GMDS: variants seen among roughly 807,000 people sequenced by gnomAD.
GMDS encodes GDP-mannose 4,6 dehydratase.
A neutral mutation model predicts 49.9 loss-of-function variants in GMDS; 20 were observed. That is an observed-to-expected ratio of 0.40 (90% CI 0.28 to 0.58). The LOEUF (loss-of-function observed/expected upper bound fraction) is 0.58. Among genes scored for constraint, GMDS ranks in the 20% least tolerant of loss-of-function variants. The pLI, the probability that GMDS is intolerant of heterozygous loss-of-function variation, is 0.42. For synonymous variants in GMDS, 177 were observed against 178.6 expected (o/e 0.99, Z 0.07); for missense variants, 362 against 481.4 (o/e 0.75, Z 2.32).
chr6:2,050,185 T>A (rs963900658), intron 4 of GMDS, among the ~76,000 whole-genome samples: 3 of 151,922 alleles, frequency 2.0e-5, no homozygotes, highest in East Asian at 1.9e-4. Flanking sequence ...AAAAAAATGA[T>A]AGAGGGGATA....
At chr6:1,987,909 C>T (rs185220260) in intron 4 of GMDS, among the ~76,000 whole-genome samples, 103 of 151,872 alleles carry the variant, frequency 6.8e-4, no homozygotes, top group East Asian at 5.4e-3. Context: ...TTTTACCTCT[C>T]GAAAAAAAAC....
intron 1 of GMDS, among the ~76,000 whole-genome samples, chr6:2,206,354 A>G (rs1181865231): frequency 6.6e-6 from 1 of 151,936 alleles, no homozygotes; most frequent in East Asian, 1.9e-4. Flanking sequence ...CTGGGTTCTC[A>G]ACCCAAGTGG....
chr6:1,900,520 A>G (rs1050265762), intron 7 of GMDS, among the ~76,000 whole-genome samples: 17 of 152,202 alleles, frequency 1.1e-4, no homozygotes, highest in African/African-American at 3.6e-4. Flanking sequence ...ATAAATCATG[A>G]AGTTTTTAAG....
At chr6:2,015,643 T>TCCC (rs1767842053) in intron 4 of GMDS, among the ~76,000 whole-genome samples, 1 of 151,956 alleles carries the variant, frequency 6.6e-6, no homozygotes. Context: ...AATAGAGCAG[T>TCCC]CCCCCTTATC....
intron 4 of GMDS, among the ~76,000 whole-genome samples, chr6:2,010,544 T>C (rs963493705): frequency 6.6e-6 from 1 of 152,054 alleles, no homozygotes; most frequent in African/African-American, 2.4e-5. Flanking sequence ...TCTATATCTA[T>C]GAAAATAACA....
chr6:2,152,297 T>C (rs929809494), intron 1 of GMDS, among the ~76,000 whole-genome samples: 3 of 152,164 alleles, frequency 2.0e-5, no homozygotes, highest in African/African-American at 4.8e-5. Context: ...TTAAAAAACG[T>C]AGAATTTGTT....
At chr6:1,842,614 C>T (rs957366630) in intron 7 of GMDS, among the ~76,000 whole-genome samples, 1 of 152,162 alleles carries the variant, frequency 6.6e-6, no homozygotes, top group African/African-American at 2.4e-5. Flanking sequence ...CTGTATTAGC[C>T]AACTGCAAAT....
chr6:2,095,702 T>C (rs1016014027), intron 4 of GMDS, among the ~76,000 whole-genome samples: 16 of 152,214 alleles, frequency 1.1e-4, no homozygotes, highest in African/African-American at 3.6e-4. Flanking sequence ...CTCTCTTTAA[T>C]ATACGGGAAT....
chr6:1,806,900 C>A (rs1352575036), intron 7 of GMDS, among the ~76,000 whole-genome samples: 1 of 152,136 alleles, frequency 6.6e-6, no homozygotes, highest in Non-Finnish European at 1.5e-5. Context: ...ATCATTCAAC[C>A]ACTCCAGCCT....
At chr6:1,827,254 T>C (rs1485918019) in intron 7 of GMDS, among the ~76,000 whole-genome samples, 5 of 151,942 alleles carry the variant, frequency 3.3e-5, no homozygotes, top group Non-Finnish European at 7.4e-5. Context: ...AATATATATA[T>C]ATGTATAAAT....
intron 7 of GMDS, among the ~76,000 whole-genome samples, chr6:1,907,500 A>G (rs973141473): frequency 6.6e-6 from 1 of 152,220 alleles, no homozygotes; most frequent in African/African-American, 2.4e-5. Flanking sequence ...GTATTGAAAC[A>G]AGGGAAGTGA....
intron 7 of GMDS, among the ~76,000 whole-genome samples, chr6:1,790,269 C>T (rs1769484063): frequency 6.6e-6 from 1 of 152,058 alleles, no homozygotes; most frequent in Non-Finnish European, 1.5e-5. Flanking sequence ...GAAGATGAGC[C>T]AATAATTAGC....
rs181030747 is a variant in GMDS, at chr6:2,215,677, G to C, written c.102+29644C>G. ...GGGAGGGAAGAAAAATAGGAGAAAG[G>C]AAGGAAAGGAAGGAAGGGGGAAAGG... On this transcript the variant is annotated intron_variant, in intron 1 of 10. Coordinates refer to ENST00000380815, the MANE Select transcript of GMDS (RefSeq NM_001500.4). 4.9e-3 allele frequency among the ~76,000 whole-genome samples: 749 copies of C among 152,146 alleles called. 13 individuals carry two copies. The highest frequency in any genetic ancestry group is 0.017 in the African/African-American group (693 of 41,516).
chr6:1,660,693 G>A (rs1764039139), intron 9 of GMDS, among the ~76,000 whole-genome samples: 1 of 148,936 alleles, frequency 6.7e-6, no homozygotes, highest in Non-Finnish European at 1.5e-5. Flanking sequence ...CAAACAAGAT[G>A]TGGGAGTGGA....
chr6:1,739,521 T>C (rs2113481622), intron 8 of GMDS, among the ~76,000 whole-genome samples: 1 of 152,362 alleles, frequency 6.6e-6, no homozygotes, highest in South Asian at 2.1e-4. Context: ...GTGGGGCTGC[T>C]CATCCCAGAA....
chr6:2,135,899 T>C (rs1348488119), intron 1 of GMDS, among the ~76,000 whole-genome samples: 1 of 152,188 alleles, frequency 6.6e-6, no homozygotes, highest in Non-Finnish European at 1.5e-5. Context: ...AGTCAATGAA[T>C]TACATAACAA....
chr6:1,978,213 T>G (rs1440233920), intron 4 of GMDS, among the ~76,000 whole-genome samples: 5 of 152,076 alleles, frequency 3.3e-5, no homozygotes. Flanking sequence ...CAAAGCAGCT[T>G]TGTCAGTTAA....
chr6:2,049,453 C>T (rs898712344), intron 4 of GMDS, among the ~76,000 whole-genome samples: 1 of 152,176 alleles, frequency 6.6e-6, no homozygotes, highest in Non-Finnish European at 1.5e-5. Context: ...TCTTTACACA[C>T]ATTCTTAGCA....
At chr6:2,046,832 A>G (rs944645055) in intron 4 of GMDS, among the ~76,000 whole-genome samples, 10 of 152,222 alleles carry the variant, frequency 6.6e-5, no homozygotes, top group Admixed American at 2.0e-4. Context: ...GAATAAAGTA[A>G]CATTAATTTG....
Sources: gnomAD v4.1 joint callset for allele counts (sites outside exome capture counted in the v4.1 genomes callset) on GRCh38, gnomAD v4.1.1 for gene constraint, MANE v1.5 for transcripts, NCBI Gene and HGNC (gene_info 2026-07-23, HGNC 2026-07-21) for gene names.